Variants in DLG2 observed in about 807,000 individuals in gnomAD.
The protein encoded by DLG2 is discs large MAGUK scaffold protein 2, also known as disks large homolog 2.
Under a neutral mutation model 132.5 loss-of-function variants are expected in DLG2, and 45 were observed. The ratio of observed to expected loss-of-function variants is 0.34; its 90% CI spans 0.27 to 0.44. The LOEUF (loss-of-function observed/expected upper bound fraction) is 0.44. Among genes scored for constraint, DLG2 ranks in the 20% least tolerant of loss-of-function variants. The pLI is 1.00. For synonymous variants in DLG2, 424 were observed against 419.6 expected (o/e 1.01, Z -0.13); for missense variants, 1,045 against 1,196.9 (o/e 0.87, Z 1.87).
At chr11:83,629,340 C>A (rs2153452476) in intron 19 of DLG2, among the ~76,000 whole-genome samples, 1 of 152,254 alleles carries the variant, frequency 6.6e-6, no homozygotes, top group South Asian at 2.1e-4. Flanking sequence ...AATCCACATT[C>A]AAAACTCAGA....
intron 3 of DLG2, among the ~76,000 whole-genome samples, chr11:85,359,039 A>G (rs2083949380): frequency 6.6e-6 from 1 of 152,186 alleles, no homozygotes. Flanking sequence ...CAGGAATGCA[A>G]TTTCAGCAAA....
intron 5 of DLG2, among the ~76,000 whole-genome samples, chr11:85,114,825 A>G (rs2073320808): frequency 6.6e-6 from 1 of 151,876 alleles, no homozygotes; most frequent in Non-Finnish European, 1.5e-5. Flanking sequence ...CTCCAAAAAC[A>G]TGGGAATATT....
At chr11:85,394,056 T>A (rs1417508595) in intron 3 of DLG2, among the ~76,000 whole-genome samples, 2 of 152,140 alleles carry the variant, frequency 1.3e-5, no homozygotes, top group African/African-American at 4.8e-5. Flanking sequence ...AAAAACCTAT[T>A]GAAATATTTT....
At chr11:83,661,036 A>G (rs1259382793) in intron 18 of DLG2, among the ~76,000 whole-genome samples, 1 of 152,170 alleles carries the variant, frequency 6.6e-6, no homozygotes, top group African/African-American at 2.4e-5. Flanking sequence ...TCCAGTCATC[A>G]TGTTCTTTGC....
At chr11:84,337,192 C>T (rs2098489529) in intron 7 of DLG2, among the ~76,000 whole-genome samples, 1 of 152,058 alleles carries the variant, frequency 6.6e-6, no homozygotes, top group Non-Finnish European at 1.5e-5. Flanking sequence ...GTATCTACCC[C>T]ATAGAGATGT....
intron 9 of DLG2, among the ~76,000 whole-genome samples, chr11:84,111,905 T>C (rs2093367747): frequency 1.3e-5 from 2 of 152,234 alleles, no homozygotes; most frequent in South Asian, 4.1e-4. Context: ...ACTCTTGTTT[T>C]CATCCTTTTA....
chr11:83,507,305 T>A (rs2094754023), intron 21 of DLG2, among the ~76,000 whole-genome samples: 1 of 151,700 alleles, frequency 6.6e-6, no homozygotes, highest in African/African-American at 2.4e-5. Flanking sequence ...CCAAAACTAA[T>A]GAAAGAACTC....
At chr11:85,164,105 C>T (rs548474407) in intron 4 of DLG2, among the ~76,000 whole-genome samples, 2 of 152,188 alleles carry the variant, frequency 1.3e-5, no homozygotes, top group South Asian at 2.1e-4. Context: ...ATAAAGGTTG[C>T]CTTGTTATGC....
intron 7 of DLG2, among the ~76,000 whole-genome samples, chr11:84,486,446 T>G (rs893675655): frequency 3.9e-5 from 6 of 152,148 alleles, no homozygotes; most frequent in Non-Finnish European, 8.8e-5. Context: ...ATGAAGTTAC[T>G]GATTCTGCTT....
chr11:85,096,415 G>C (rs1212592948), intron 6 of DLG2, among the ~76,000 whole-genome samples: 3 of 151,176 alleles, frequency 2.0e-5, no homozygotes, highest in Non-Finnish European at 4.4e-5. Flanking sequence ...AACTCCAGAC[G>C]CGCCACCTTT....
At chr11:85,169,802 T>A (rs2078714148) in intron 4 of DLG2, among the ~76,000 whole-genome samples, 1 of 152,096 alleles carries the variant, frequency 6.6e-6, no homozygotes, top group African/African-American at 2.4e-5. Context: ...CTTCAGAGAG[T>A]TCGACCCTGT....
intron 4 of DLG2, among the ~76,000 whole-genome samples, chr11:85,161,228 T>A (rs181165493): frequency 6.6e-6 from 1 of 152,208 alleles, no homozygotes; most frequent in South Asian, 2.1e-4. Flanking sequence ...TCTGTGGACA[T>A]CACTCAGCCT....
chr11:85,493,698 G>A (rs2093611646), intron 3 of DLG2, among the ~76,000 whole-genome samples: 1 of 148,972 alleles, frequency 6.7e-6, no homozygotes, highest in Non-Finnish European at 1.5e-5. Flanking sequence ...GGGGAGGAGA[G>A]GGGAGAGAAA....
chr11:85,096,493 C>T (rs2069802939), intron 6 of DLG2, among the ~76,000 whole-genome samples: 1 of 151,858 alleles, frequency 6.6e-6, no homozygotes, highest in African/African-American at 2.4e-5. Flanking sequence ...CACAAACCCA[C>T]CAGAAGGAAG....
intron 6 of DLG2, among the ~76,000 whole-genome samples, chr11:85,045,849 C>G (rs1379561008): frequency 6.6e-6 from 1 of 152,042 alleles, no homozygotes; most frequent in East Asian, 1.9e-4. Context: ...AGAAGAATAA[C>G]TTCTCTAGCG....
At chr11:84,878,482 C>G (rs540025005) in intron 6 of DLG2, among the ~76,000 whole-genome samples, 17 of 152,192 alleles carry the variant, frequency 1.1e-4, no homozygotes, top group Middle Eastern at 3.4e-3. Flanking sequence ...TTCATGTTCT[C>G]ACTCATAAGT....
chr11:84,999,410 A>G (rs1456223273), intron 6 of DLG2, among the ~76,000 whole-genome samples: 1 of 152,176 alleles, frequency 6.6e-6, no homozygotes, highest in Non-Finnish European at 1.5e-5. Context: ...AAAGAGAGAT[A>G]TATCTGGCCT....
intron 4 of DLG2, among the ~76,000 whole-genome samples, chr11:85,277,757 A>G (rs1420472324): frequency 6.6e-6 from 1 of 152,174 alleles, no homozygotes; most frequent in African/African-American, 2.4e-5. Flanking sequence ...ACCCATGAGA[A>G]ATGATGCTTT....
chr11:84,688,511 C>T (rs2099740063), intron 6 of DLG2, among the ~76,000 whole-genome samples: 1 of 152,104 alleles, frequency 6.6e-6, no homozygotes, highest in South Asian at 2.1e-4. Flanking sequence ...GTATTGAGCC[C>T]TTGCTCCCTT....
Sources: gnomAD v4.1 joint callset for allele counts (sites outside exome capture counted in the v4.1 genomes callset) on GRCh38, gnomAD v4.1.1 for gene constraint, MANE v1.5 for transcripts, NCBI Gene and HGNC (gene_info 2026-07-23, HGNC 2026-07-21) for gene names.